The following RBFOX2 variants were observed in gnomAD, a reference collection of about 807,000 sequenced individuals.
RBFOX2 encodes the protein RNA binding protein fox-1 homolog 2.
A neutral mutation model predicts 49.1 loss-of-function variants in RBFOX2; 10 were observed. The observed-to-expected ratio is 0.20, with a 90% confidence interval of 0.13 to 0.35. The LOEUF is 0.35. Ranked by LOEUF, RBFOX2 falls within the 10% of genes least tolerant of loss-of-function variation. The pLI is 1.00. For synonymous variants in RBFOX2, 183 were observed against 187.4 expected (o/e 0.98, Z 0.19); for missense variants, 323 against 486.9 (o/e 0.66, Z 3.17).
intron 2 of RBFOX2, among the ~76,000 whole-genome samples, chr22:35,798,035 G>C (rs1056602861): frequency 2.0e-5 from 3 of 152,116 alleles, no homozygotes; most frequent in Non-Finnish European, 4.4e-5. Flanking sequence ...GAGTACAATG[G>C]CACGATTTTG....
At chr22:36,020,893 T>A (rs920901172) in intron 1 of RBFOX2, among the ~76,000 whole-genome samples, 5 of 152,214 alleles carry the variant, frequency 3.3e-5, no homozygotes, top group African/African-American at 9.6e-5. Flanking sequence ...ATCCCATTAC[T>A]GGGTATATAT....
At chr22:35,866,010 T>C (rs769633747) in intron 1 of RBFOX2, among the ~76,000 whole-genome samples, 1 of 152,220 alleles carries the variant, frequency 6.6e-6, no homozygotes, top group Non-Finnish European at 1.5e-5. Flanking sequence ...GGGGATAAAT[T>C]AGAAGACACA....
chr22:35,871,373 C>T (rs188807481), intron 1 of RBFOX2, among the ~76,000 whole-genome samples: 1 of 152,294 alleles, frequency 6.6e-6, no homozygotes, highest in Non-Finnish European at 1.5e-5. Context: ...TTCTGAAAAA[C>T]AGTTCAGAGG....
chr22:35,990,803 A>G (rs1421429063), intron 1 of RBFOX2, among the ~76,000 whole-genome samples: 1 of 152,206 alleles, frequency 6.6e-6, no homozygotes, highest in East Asian at 1.9e-4. Context: ...ACAATAAATG[A>G]CAGTACTGCA....
At chr22:35,923,691 C>T (rs564640431) in intron 1 of RBFOX2, among the ~76,000 whole-genome samples, 2 of 152,182 alleles carry the variant, frequency 1.3e-5, no homozygotes, top group South Asian at 4.2e-4. Flanking sequence ...TCCTCATCTG[C>T]CAATGGAGAT....
At chr22:35,867,636 A>G (rs979300190) in intron 1 of RBFOX2, among the ~76,000 whole-genome samples, 2 of 152,214 alleles carry the variant, frequency 1.3e-5, no homozygotes, top group African/African-American at 4.8e-5. Flanking sequence ...CAGAACTTAA[A>G]GAGATGGGCC....
chr22:35,872,635 G>A (rs1472583591), intron 1 of RBFOX2, among the ~76,000 whole-genome samples: 1 of 152,192 alleles, frequency 6.6e-6, no homozygotes, highest in Non-Finnish European at 1.5e-5. Flanking sequence ...ACTCCGCCTT[G>A]TCCCACCCGT....
At chr22:35,786,143 T>C (rs1946343159) in intron 2 of RBFOX2, among the ~76,000 whole-genome samples, 1 of 152,232 alleles carries the variant, frequency 6.6e-6, no homozygotes, top group African/African-American at 2.4e-5. Flanking sequence ...ACAGTGTATG[T>C]GAAGTGGCAG....
chr22:35,895,676 C>T (rs2047758522), intron 1 of RBFOX2, among the ~76,000 whole-genome samples: 1 of 152,144 alleles, frequency 6.6e-6, no homozygotes, highest in South Asian at 2.1e-4. Context: ...AGACACTTTA[C>T]TCACCACGCA....
rs1433095857 is a variant in RBFOX2 at position 35,764,580 on chromosome 22, G to A, written c.607+843C>T. Among the ~76,000 whole-genome samples, 12 of 126,918 alleles carry A rather than the reference G, an allele frequency of 9.5e-5. No homozygotes were observed. In the South Asian group the frequency reaches 1.9e-3, roughly 20 times the overall value. The allele number at this position is 126,918 out of a possible 152,430, so 83.3% of individuals were successfully genotyped here. A position where few individuals can be genotyped will look rare whatever the true frequency, so the allele number is the denominator to read the frequency against. On this transcript the variant is annotated intron_variant, in intron 6 of 11. Coordinates refer to ENST00000405409, the Ensembl canonical transcript of RBFOX2. ...AGCCTGGGTGACAAAGCGAGACTCC[G>A]TCTCAAAAAAAAAAAAAAAAAAACT...
In RBFOX2 at chr22:35,825,768, G is replaced by A. The variant is rs1955535486; in HGVS notation, c.27+14424C>T. On this transcript the variant is annotated intron_variant, in intron 1 of 11. Transcript: ENST00000405409. ...GGCCAAGGCGGGTGGATCACCTGAG[G>A]TCAGTAGTTCGAGACCAGCCTAACC... 2.6e-5 allele frequency among the ~76,000 whole-genome samples: 4 copies of A among 151,612 alleles called. No individual in the cohort carries two copies. The South Asian group carries it at 8.3e-4, about 31-fold the overall frequency.
At chr22:35,923,646 T>C (rs1181625097) in intron 1 of RBFOX2, among the ~76,000 whole-genome samples, 1 of 152,172 alleles carries the variant, frequency 6.6e-6, no homozygotes, top group Non-Finnish European at 1.5e-5. Flanking sequence ...ATTACCACCC[T>C]TGGCAAATCT....
intron 1 of RBFOX2, among the ~76,000 whole-genome samples, chr22:35,819,993 A>C (rs1376973863): frequency 6.6e-6 from 1 of 152,210 alleles, no homozygotes; most frequent in East Asian, 1.9e-4. Context: ...CACAGGCAAA[A>C]ATACAAGCAG....
Position 35,922,525 on chromosome 22 carries a change from T to C in RBFOX2, c.-34+16322A>G, listed in dbSNP as rs61479638. Among the ~76,000 whole-genome samples, 540 of 151,920 alleles carry C rather than the reference T, an allele frequency of 3.6e-3. 1 individual carries two copies. The highest frequency in any genetic ancestry group is 0.011 in the African/African-American group (471 of 41,406). On this transcript the variant is annotated intron_variant, in intron 1 of 13. Transcript: ENST00000359369. Reference sequence around the variant, plus strand: ...AGGCAGAGGTTGCAGTCAGCCAAGATTGCGCCACTGCACTCCAGACTGGGT... The same window carrying C: ...AGGCAGAGGTTGCAGTCAGCCAAGACTGCGCCACTGCACTCCAGACTGGGT...
At chr22:35,768,216 T>C in intron 5 of RBFOX2, 41 bp downstream of exon 6, 1 of 1,593,526 alleles carries the variant, frequency 6.3e-7, no homozygotes, top group Non-Finnish European at 8.6e-7. Flanking sequence ...AAAAGAGAAA[T>C]AAAAATATAA....
At chr22:35,923,804 C>T (rs2051301648) in intron 1 of RBFOX2, among the ~76,000 whole-genome samples, 1 of 151,894 alleles carries the variant, frequency 6.6e-6, no homozygotes, top group Non-Finnish European at 1.5e-5. Context: ...GGTATTACAG[C>T]AATACCTGTA....
At chr22:35,989,247 TAAAAG>T (rs914613314) in intron 1 of RBFOX2, among the ~76,000 whole-genome samples, 2 of 152,064 alleles carry the variant, frequency 1.3e-5, no homozygotes, top group Non-Finnish European at 2.9e-5. Context: ...ATATATAACT[TAAAAG>T]AATTAAAAAG....
intron 1 of RBFOX2, chr22:35,961,507 T>C: frequency 3.1e-6 from 4 of 1,300,870 alleles, no homozygotes; most frequent in Non-Finnish European, 3.0e-6. Context: ...GAAGCCACAA[T>C]TCCCCTGCAC....
chr22:36,028,055 T>G (rs573191819), intron 1 of RBFOX2, among the ~76,000 whole-genome samples, 185 bp downstream of exon 1: 195 of 152,134 alleles, frequency 1.3e-3, no homozygotes, highest in African/African-American at 4.5e-3. Context: ...CACACCAGGT[T>G]CAGTCCTGCA....
Sources: allele counts gnomAD v4.1 joint callset (sites outside exome capture counted in the v4.1 genomes callset), GRCh38; gene constraint gnomAD v4.1.1; transcripts MANE v1.5; gene names NCBI Gene and HGNC (gene_info 2026-07-23, HGNC 2026-07-21).